The following MYO5C variants were observed in gnomAD, a reference collection of about 807,000 sequenced individuals.
MYO5C encodes myosin VC.
MYO5C carries 194 observed loss-of-function variants against 235.7 expected under a neutral mutation model. The observed-to-expected ratio is 0.82, with a 90% CI of 0.73 to 0.93. The LOEUF (loss-of-function observed/expected upper bound fraction) is 0.93. Among genes scored for constraint, MYO5C ranks in the 40% least tolerant of loss-of-function variants. The pLI, the probability that MYO5C is intolerant of heterozygous loss-of-function variation, is 0.00. For missense variants in MYO5C, 2,038 were observed against 2,127.2 expected (o/e 0.96, Z 0.82); for synonymous variants, 707 against 754.8 (o/e 0.94, Z 1.04).
intron 1 of MYO5C, among the ~76,000 whole-genome samples, chr15:52,290,729 A>G (rs1053981072): frequency 3.3e-5 from 5 of 152,148 alleles, no homozygotes; most frequent in African/African-American, 4.8e-5. Context: ...AACAAAACAC[A>G]TGTATCAAAC....
chr15:52,295,467 T>C, intron 1 of MYO5C, 143 bp downstream of exon 1: 1 of 968,664 alleles, frequency 1.0e-6, no homozygotes, highest in Non-Finnish European at 1.4e-6. Flanking sequence ...CCGCGGCGCC[T>C]CCGCGGCCCC....
chr15:52,195,487 C>T lies in MYO5C; in HGVS notation c.4996-30G>A, dbSNP rs369104497. 57 of 1,447,690 alleles carry T rather than the reference C, an allele frequency of 3.9e-5. No homozygotes were observed. In the African/African-American group the frequency reaches 7.8e-4, roughly 20 times the overall value. The allele number at this position is 1,447,690 out of a possible 1,614,324, so 89.7% of individuals were successfully genotyped here. Reference sequence around the variant, plus strand: ...AAACGGTACATAACATGGTGTTAGACCATGCAAAATAATAACTCTGTTCAT... The same window carrying T: ...AAACGGTACATAACATGGTGTTAGATCATGCAAAATAATAACTCTGTTCAT... On this transcript the variant is annotated intron_variant, in intron 39 of 40. Transcript: ENST00000261839.
intron 1 of MYO5C, among the ~76,000 whole-genome samples, chr15:52,285,305 T>A (rs2037236133): frequency 6.7e-6 from 1 of 149,502 alleles, no homozygotes; most frequent in Middle Eastern, 3.4e-3. Context: ...GAGGTGGAGG[T>A]TGCAGTGAGC....
At chr15:52,262,634 A>G (rs1282082308) in intron 9 of MYO5C, among the ~76,000 whole-genome samples, 1 of 152,192 alleles carries the variant, frequency 6.6e-6, no homozygotes, top group Non-Finnish European at 1.5e-5. Context: ...CGCTGAGGTG[A>G]AAGCTGGAGG....
In MYO5C at chr15:52,247,004, G is replaced by C; in HGVS notation, c.1892C>G (p.Ser631Cys). 3 of 1,613,018 alleles carry C rather than the reference G, an allele frequency of 1.9e-6. No individual in the cohort carries two copies. The highest frequency in any genetic ancestry group is 1.7e-6 in the Non-Finnish European group (2 of 1,179,572). Residue 631 changes from serine (S) to cysteine (C), a missense_variant, in exon 16 of 41, where the codon TCT becomes TGT. Ser to Cys is a moderately radical substitution (Grantham distance 112, BLOSUM62 -1). Transcript: ENST00000261839. ...RTTVGSKFRSSLYLLMETLNA... is the reference protein window; with the variant it reads ...RTTVGSKFRSCLYLLMETLNA... Reference sequence around the variant, plus strand: ...GAGGGTCTCCATGAGCAAGTACAGAGAGCTGCGGAACTAGGAAACAAAGCT... The same window carrying C: ...GAGGGTCTCCATGAGCAAGTACAGACAGCTGCGGAACTAGGAAACAAAGCT...
At chr15:52,279,307 G>A (rs981504062) in intron 3 of MYO5C, among the ~76,000 whole-genome samples, 4 of 152,158 alleles carry the variant, frequency 2.6e-5, no homozygotes, top group Non-Finnish European at 4.4e-5. Context: ...GAAATCTGAT[G>A]AGAAACTCAA....
chr15:52,197,142 A>G (rs1399332536), intron 38 of MYO5C, among the ~76,000 whole-genome samples: 3 of 152,256 alleles, frequency 2.0e-5, no homozygotes, highest in African/African-American at 7.2e-5. Flanking sequence ...CTAGACATGT[A>G]CTCAAGAGAA....
chr15:52,201,175 T>G (rs1168330792), intron 38 of MYO5C, among the ~76,000 whole-genome samples: 1 of 152,060 alleles, frequency 6.6e-6, no homozygotes, highest in African/African-American at 2.4e-5. Context: ...ATGGCCAGAT[T>G]CAAGAAGCTC....
chr15:52,238,681 G>A (rs947669853), intron 21 of MYO5C, among the ~76,000 whole-genome samples: 4 of 152,010 alleles, frequency 2.6e-5, no homozygotes, highest in African/African-American at 9.7e-5. Flanking sequence ...GTTCTCTGTT[G>A]CCCAGGCTGG....
intron 33 of MYO5C, 87 bp downstream of exon 33, chr15:52,214,516 A>T: frequency 1.0e-6 from 1 of 991,468 alleles, no homozygotes; most frequent in Non-Finnish European, 1.5e-6. Context: ...TTTGGGTTTC[A>T]TAAGCTTTGG....
At chr15:52,248,606 A>ACC in intron 14 of MYO5C, 94 bp downstream of exon 14, 2 of 635,314 alleles carry the variant, frequency 3.1e-6, no homozygotes, top group Non-Finnish European at 5.3e-6. Context: ...ACACACACAC[A>ACC]CTCTCTCTCT....
intron 10 of MYO5C, among the ~76,000 whole-genome samples, chr15:52,260,001 T>C (rs2036659139): frequency 6.6e-6 from 1 of 152,242 alleles, no homozygotes; most frequent in Non-Finnish European, 1.5e-5. Flanking sequence ...TGGGTCAATC[T>C]TCCCCTTCTC....
chr15:52,195,763 C>T (rs1386965153), intron 39 of MYO5C, among the ~76,000 whole-genome samples: 1 of 151,964 alleles, frequency 6.6e-6, no homozygotes, highest in African/African-American at 2.4e-5. Context: ...GGAATGAATG[C>T]ATCATAGACA....
chr15:52,246,990 T>A lies in MYO5C; in HGVS notation c.1906A>T (p.Met636Leu). The change falls in exon 16 of 41, where the codon ATG (methionine) becomes TTG (leucine). Residue 636 changes from methionine to leucine, a missense_variant. Coordinates refer to ENST00000261839, the MANE Select transcript of MYO5C (RefSeq NM_018728.4). Reference protein sequence around the residue: ...SKFRSSLYLLMETLNATTPHY... With the variant: ...SKFRSSLYLLLETLNATTPHY... ...GGCGTCGTCGCATTGAGGGTCTCCA[T>A]GAGCAAGTACAGAGAGCTGCGGAAC... The A allele has an allele frequency of 6.2e-7, 1 of 1,614,054 alleles. No individual in the cohort carries two copies. The highest frequency in any genetic ancestry group is 1.1e-5 in the South Asian group (1 of 91,058).
intron 5 of MYO5C, among the ~76,000 whole-genome samples, chr15:52,274,190 G>A (rs771584640): frequency 1.3e-4 from 20 of 152,098 alleles, no homozygotes; most frequent in Non-Finnish European, 1.5e-5. Flanking sequence ...ATACAGTCCC[G>A]CCTTCATGGA....
intron 20 of MYO5C, among the ~76,000 whole-genome samples, chr15:52,240,345 G>A (rs2036184915): frequency 6.6e-6 from 1 of 151,992 alleles, no homozygotes; most frequent in Non-Finnish European, 1.5e-5. Context: ...CAGGAGGGAA[G>A]ATCGCTTGAG....
chr15:52,283,026 C>A, intron 1 of MYO5C, 134 bp from the exon 2 acceptor site: 1 of 657,102 alleles, frequency 1.5e-6, no homozygotes, highest in South Asian at 1.8e-5. Flanking sequence ...CCTAATTTTG[C>A]TTATGAGGTG....
intron 1 of MYO5C, among the ~76,000 whole-genome samples, chr15:52,288,185 GCAGA>G (rs1471971141): frequency 2.6e-5 from 4 of 152,114 alleles, no homozygotes; most frequent in African/African-American, 4.8e-5. Context: ...TCACCAAACA[GCAGA>G]CAGAGTCTCA....
intron 11 of MYO5C, among the ~76,000 whole-genome samples, chr15:52,256,268 G>A (rs1363238607): frequency 3.3e-5 from 5 of 152,070 alleles, no homozygotes; most frequent in Admixed American, 2.0e-4. Context: ...AAGCAATGGG[G>A]AAATAACAGG....
Sources: gnomAD v4.1 joint callset for allele counts (sites outside exome capture counted in the v4.1 genomes callset) on GRCh38, gnomAD v4.1.1 for gene constraint, MANE v1.5 for transcripts, NCBI Gene and HGNC (gene_info 2026-07-23, HGNC 2026-07-21) for gene names.